Variants in SGCG observed in about 807,000 individuals in gnomAD.
The protein encoded by SGCG is sarcoglycan gamma.
Under a neutral mutation model 29.3 loss-of-function variants are expected in SGCG, and 26 were observed. The ratio of observed to expected loss-of-function variants is 0.89; its 90% confidence interval spans 0.65 to 1.23. The LOEUF (loss-of-function observed/expected upper bound fraction) is 1.23. SGCG is among the 50% of genes most tolerant of loss of function. SGCG has a pLI of 0.00. For missense variants in SGCG, 353 were observed against 356.0 expected, an observed-to-expected ratio of 0.99 and a Z score of 0.07; for synonymous variants, 145 against 129.7, an observed-to-expected ratio of 1.12 and a Z score of -0.80.
the SGCG span, among the ~76,000 whole-genome samples, chr13:23,167,230 T>G: frequency 6.6e-6 from 1 of 152,358 alleles, no homozygotes; most frequent in Admixed American, 6.5e-5. Flanking sequence ...TGACAAGATC[T>G]CATTCTTTTT....
chr13:23,179,114 A>G (rs889434564), upstream of SGCG, among the ~76,000 whole-genome samples: 7 of 152,198 alleles, frequency 4.6e-5, no homozygotes, highest in Non-Finnish European at 8.8e-5. Context: ...TTACACCTAA[A>G]TGACTGTTAG....
At chr13:23,183,203 G>A (rs1876813980) in intron 1 of SGCG, among the ~76,000 whole-genome samples, 1 of 152,140 alleles carries the variant, frequency 6.6e-6, no homozygotes, top group Admixed American at 6.5e-5. Flanking sequence ...ATCAAATTTA[G>A]TCTATATAAG....
At chr13:23,316,024 G>C (rs1197782243) in intron 6 of SGCG, among the ~76,000 whole-genome samples, 2 of 152,208 alleles carry the variant, frequency 1.3e-5, no homozygotes, top group African/African-American at 4.8e-5. Context: ...AAGTGGCCAT[G>C]GTGGCAGGGA....
intron 6 of SGCG, among the ~76,000 whole-genome samples, chr13:23,299,766 C>T (rs1882080237): frequency 6.6e-6 from 1 of 151,984 alleles, no homozygotes; most frequent in Non-Finnish European, 1.5e-5. Context: ...ATTTACATTT[C>T]TTATGGCAAA....
intron 4 of SGCG, among the ~76,000 whole-genome samples, chr13:23,270,758 C>T (rs1261062092): frequency 6.6e-6 from 1 of 152,040 alleles, no homozygotes; most frequent in African/African-American, 2.4e-5. Flanking sequence ...GAAAGACTTC[C>T]TTGTACCAAG....
chr13:23,317,473 A>G (rs1247538093), intron 6 of SGCG, among the ~76,000 whole-genome samples: 1 of 152,202 alleles, frequency 6.6e-6, no homozygotes, highest in East Asian at 1.9e-4. Flanking sequence ...GGTAGTCATC[A>G]ATACCAGCTA....
chr13:23,294,701 T>A (rs2137643471), intron 5 of SGCG, among the ~76,000 whole-genome samples: 1 of 152,360 alleles, frequency 6.6e-6, no homozygotes. Context: ...TGAATTCAAA[T>A]TACAGCCTTG....
intron 2 of SGCG, among the ~76,000 whole-genome samples, chr13:23,225,780 T>TACACACACACACACACACAC (rs60718653): frequency 5.6e-4 from 83 of 148,662 alleles, no homozygotes; most frequent in African/African-American, 2.0e-3. Flanking sequence ...GGACATGTCA[T>TACACACACACACACACACAC]ACACACACAC....
At chr13:23,203,942 C>T in intron 2 of SGCG, 53 bp downstream of exon 2, 2 of 1,257,358 alleles carry the variant, frequency 1.6e-6, no homozygotes, top group East Asian at 2.3e-5. Context: ...CACTGTATCA[C>T]TTAGTCTGTA....
intron 2 of SGCG, among the ~76,000 whole-genome samples, chr13:23,215,114 G>A (rs1388583298): frequency 1.3e-5 from 2 of 152,112 alleles, no homozygotes; most frequent in Non-Finnish European, 2.9e-5. Flanking sequence ...AAATAAAGAA[G>A]GCAACAGCAC....
At chr13:23,276,415 T>G (rs1881068341) in intron 4 of SGCG, among the ~76,000 whole-genome samples, 1 of 146,168 alleles carries the variant, frequency 6.8e-6, no homozygotes, top group Non-Finnish European at 1.5e-5. Flanking sequence ...GCATGAACGC[T>G]TTCTTTTTTA....
intron 6 of SGCG, among the ~76,000 whole-genome samples, chr13:23,304,969 TTGCACGTGCTC>T (rs1882309850): frequency 1.7e-5 from 2 of 116,608 alleles, no homozygotes; most frequent in African/African-American, 3.0e-5. Context: ...GCTCACAGGC[TTGCACGTGCTC>T]ACAGGCGTGC....
chr13:23,311,674 C>G (rs1276775207), intron 6 of SGCG, among the ~76,000 whole-genome samples: 1 of 152,172 alleles, frequency 6.6e-6, no homozygotes, highest in Non-Finnish European at 1.5e-5. Flanking sequence ...AGCCTCTGAT[C>G]CCAAACACCT....
chr13:23,324,836 T>C lies in SGCG; in HGVS notation c.*295T>C, dbSNP rs3829352. 164,929 of 405,360 alleles carry C rather than the reference T, an allele frequency of 0.41. 35,008 individuals are homozygous for C. The highest frequency in any genetic ancestry group is 0.45 in the Non-Finnish European group (95,264 of 213,122). 25.1% of individuals were successfully genotyped at this position (405,360 alleles called of 1,614,324 possible). ...CTCTCTGCCTCGCCTCCCCCTATCT[T>C]GTCCGTGTGGGCACACACTGAGTGT... On this transcript the variant is annotated 3_prime_UTR_variant, in exon 8 of 8. Coordinates refer to ENST00000218867, the MANE Select transcript of SGCG (RefSeq NM_000231.3).
At chr13:23,277,697 CTTTTT>C (rs879580838) in intron 4 of SGCG, among the ~76,000 whole-genome samples, 1 of 135,346 alleles carries the variant, frequency 7.4e-6, no homozygotes, top group Non-Finnish European at 1.6e-5. Flanking sequence ...TCTCAACTTC[CTTTTT>C]TTTTTTTTTT....
chr13:23,179,014 G>A (rs1876645515), upstream of SGCG, among the ~76,000 whole-genome samples: 1 of 152,148 alleles, frequency 6.6e-6, no homozygotes, highest in Admixed American at 6.5e-5. Flanking sequence ...CGTTTACAGT[G>A]GAGCACCCAA....
intron 4 of SGCG, among the ~76,000 whole-genome samples, chr13:23,260,453 T>C (rs549317567): frequency 8.6e-5 from 13 of 152,024 alleles, no homozygotes; most frequent in Non-Finnish European, 1.6e-4. Context: ...GCACATGAGA[T>C]GTGTCTCCTG....
chr13:23,322,251 C>T (rs924857519), intron 7 of SGCG, among the ~76,000 whole-genome samples: 1 of 152,132 alleles, frequency 6.6e-6, no homozygotes, highest in Non-Finnish European at 1.5e-5. Flanking sequence ...GATGGCACCA[C>T]GTCCAAAAGG....
intron 6 of SGCG, among the ~76,000 whole-genome samples, chr13:23,315,371 G>A (rs553633136): frequency 1.3e-5 from 2 of 152,262 alleles, no homozygotes; most frequent in African/African-American, 4.8e-5. Context: ...ATATGCGATC[G>A]TGCTCGAGCA....
Sources: gnomAD v4.1 joint callset for allele counts (sites outside exome capture counted in the v4.1 genomes callset) on GRCh38, gnomAD v4.1.1 for gene constraint, MANE v1.5 for transcripts, NCBI Gene and HGNC (gene_info 2026-07-23, HGNC 2026-07-21) for gene names.